The following NRXN1 variants were observed in gnomAD, a reference collection of about 807,000 sequenced individuals.
NRXN1 encodes neurexin-1.
Under a neutral mutation model 150.9 loss-of-function variants are expected in NRXN1, and 39 were observed. That is an observed-to-expected ratio of 0.26 (90% CI 0.20 to 0.34). The LOEUF is 0.34. Ranked by LOEUF, NRXN1 falls within the 10% of genes least tolerant of loss-of-function variation. The probability of loss-of-function intolerance (pLI) is 1.00; values close to 1 mark genes in which losing one functional copy is unlikely to be tolerated. For missense variants in NRXN1, 1,815 were observed against 1,949.9 expected, an observed-to-expected ratio of 0.93 and a Z score of 1.30; for synonymous variants, 924 against 757.0, an observed-to-expected ratio of 1.22 and a Z score of -3.62.
chr2:50,927,881 A>G (rs1380659750), intron 2 of NRXN1, among the ~76,000 whole-genome samples: 8 of 151,980 alleles, frequency 5.3e-5, no homozygotes, highest in Non-Finnish European at 1.0e-4. Flanking sequence ...CTACAATTAA[A>G]AAAAAAGGAA....
chr2:50,610,649 A>ATATATATATATC (rs1391964546), intron 8 of NRXN1, among the ~76,000 whole-genome samples: 1 of 100,560 alleles, frequency 9.9e-6, no homozygotes. Flanking sequence ...ATACATATAT[A>ATATATATATATC]TATATATATA....
chr2:50,137,957 C>A (rs1289653545), intron 18 of NRXN1, among the ~76,000 whole-genome samples: 1 of 152,074 alleles, frequency 6.6e-6, no homozygotes, highest in East Asian at 1.9e-4. Context: ...TTTTACTTTG[C>A]CAGTTACTTT....
At chr2:50,384,898 A>C (rs1017961116) in intron 17 of NRXN1, among the ~76,000 whole-genome samples, 1 of 152,118 alleles carries the variant, frequency 6.6e-6, no homozygotes, top group Non-Finnish European at 1.5e-5. Flanking sequence ...AACTCTTGGC[A>C]ACTTCTACAT....
chr2:50,404,723 A>G (rs1287726701), intron 17 of NRXN1, among the ~76,000 whole-genome samples: 1 of 152,124 alleles, frequency 6.6e-6, no homozygotes, highest in Non-Finnish European at 1.5e-5. Context: ...TTGAAAAGTC[A>G]TATGTTTCCA....
At chr2:50,588,194 T>C (rs945964934) in intron 8 of NRXN1, among the ~76,000 whole-genome samples, 1 of 152,188 alleles carries the variant, frequency 6.6e-6, no homozygotes, top group African/African-American at 2.4e-5. Flanking sequence ...TCAATAAATA[T>C]ATGTTTTTAA....
chr2:50,283,292 T>A (rs2071703054), intron 17 of NRXN1, among the ~76,000 whole-genome samples: 1 of 152,146 alleles, frequency 6.6e-6, no homozygotes, highest in Non-Finnish European at 1.5e-5. Context: ...AAAAAGACAA[T>A]AATCTTTCTT....
chr2:50,609,866 C>T (rs1392067033), intron 8 of NRXN1, among the ~76,000 whole-genome samples: 3 of 152,070 alleles, frequency 2.0e-5, no homozygotes, highest in African/African-American at 7.2e-5. Flanking sequence ...AGTCCATTGT[C>T]ATGTACTATA....
rs774889610 is a variant in NRXN1 at position 51,027,802 on chromosome 2, G to GC, written c.471dup (p.Leu158AlafsTer29). 3.1e-6 allele frequency: 5 copies of GC among 1,613,022 alleles called. No individual in the cohort carries two copies. ...GCCGCGGCGCGCAGTTCCGGGGGCAGCCCCCCGACGAAAAGGCCGCTGAAC... is the reference window on the plus strand; with the variant it reads ...GCCGCGGCGCGCAGTTCCGGGGGCAGCCCCCCCGACGAAAAGGCCGCTGAAC... On this transcript the variant is annotated frameshift_variant, in exon 2 of 23. Coordinates refer to ENST00000401669, the MANE Select transcript of NRXN1 (RefSeq NM_001330078.2). LOFTEE classifies it high-confidence loss of function.
At chr2:50,870,214 T>C (rs1677570470) in intron 5 of NRXN1, among the ~76,000 whole-genome samples, 1 of 151,938 alleles carries the variant, frequency 6.6e-6, no homozygotes, top group African/African-American at 2.4e-5. Flanking sequence ...TTTCCTAGTA[T>C]AATTATTATT....
In NRXN1 at chr2:50,623,323, A is replaced by G; in HGVS notation, c.1125T>C (p.Asn375=). 1 of 1,612,254 alleles carries G rather than the reference A, an allele frequency of 6.2e-7. No homozygotes were observed. Among genetic ancestry groups the G allele is most frequent in the Non-Finnish European group, 8.5e-7 (1 of 1,178,652 alleles). The change falls in exon 6 of 23, where the codon AAT becomes AAC. Residue 375 remains asparagine (N), a synonymous_variant. Transcript: ENST00000401669. ...TCCACTGCGCTGTTACCTGACGCAG[A>G]TTCCTGGTGACTTTCACATCATGCC... ...NAWHDVKVTR[N]LRQHSGIGHA... is the part of the protein sequence containing the mutation.
intron 5 of NRXN1, among the ~76,000 whole-genome samples, chr2:50,655,985 T>C (rs950331918): frequency 4.6e-5 from 7 of 151,984 alleles, no homozygotes; most frequent in African/African-American, 1.4e-4. Flanking sequence ...TGGGAAAGCA[T>C]CGACCTCTAG....
At chr2:50,096,314 A>T (rs1431877517) in intron 18 of NRXN1, among the ~76,000 whole-genome samples, 1 of 152,126 alleles carries the variant, frequency 6.6e-6, no homozygotes, top group African/African-American at 2.4e-5. Context: ...TAAGACCGGT[A>T]TTTACTATTT....
intron 8 of NRXN1, among the ~76,000 whole-genome samples, chr2:50,557,885 G>T (rs1424625875): frequency 6.6e-6 from 1 of 152,214 alleles, no homozygotes; most frequent in African/African-American, 2.4e-5. Context: ...GTATTCAGCA[G>T]ACTGGGGCTT....
chr2:50,955,699 G>C lies in NRXN1; in HGVS notation c.773-29744C>G, dbSNP rs1442246502. ...GTTGAGATTGAAAGCAATTCTCTTG[G>C]ATGGATACAGTGAAGCTGCCTTTCT... On this transcript the variant is annotated intron_variant, in intron 2 of 22. Coordinates refer to ENST00000401669, the MANE Select transcript of NRXN1 (RefSeq NM_001330078.2). Among the ~76,000 whole-genome samples, 6 of 152,198 alleles carry C rather than the reference G, an allele frequency of 3.9e-5. No homozygotes were observed. The East Asian group carries it at 9.6e-4, about 24-fold the overall frequency.
intron 12 of NRXN1, among the ~76,000 whole-genome samples, chr2:50,508,522 C>G (rs2092332135): frequency 6.6e-6 from 1 of 151,408 alleles, no homozygotes; most frequent in Admixed American, 6.6e-5. Flanking sequence ...CATTTTGATC[C>G]TTGAAAAGAG....
intron 18 of NRXN1, among the ~76,000 whole-genome samples, chr2:50,176,013 C>A (rs1432508612): frequency 6.6e-6 from 1 of 152,070 alleles, no homozygotes; most frequent in Non-Finnish European, 1.5e-5. Flanking sequence ...TCCCTAGCCC[C>A]CTAAGCACTG....
At chr2:50,692,223 A>G (rs1692184611) in intron 5 of NRXN1, among the ~76,000 whole-genome samples, 1 of 152,156 alleles carries the variant, frequency 6.6e-6, no homozygotes, top group African/African-American at 2.4e-5. Flanking sequence ...AGCAGGCTCT[A>G]TTTCATAAAT....
intron 18 of NRXN1, among the ~76,000 whole-genome samples, chr2:50,220,612 T>G (rs1036649599): frequency 2.6e-5 from 4 of 152,002 alleles, no homozygotes; most frequent in Admixed American, 2.0e-4. Context: ...ACTTTACAAT[T>G]TTCAATATCT....
chr2:50,790,554 G>C (rs900956554), intron 5 of NRXN1, among the ~76,000 whole-genome samples: 5 of 152,210 alleles, frequency 3.3e-5, no homozygotes, highest in South Asian at 2.1e-4. Flanking sequence ...CTGGGAGAGA[G>C]AGGTTGCAGA....
Sources: gnomAD v4.1 joint callset for allele counts (sites outside exome capture counted in the v4.1 genomes callset) on GRCh38, gnomAD v4.1.1 for gene constraint, MANE v1.5 for transcripts, NCBI Gene and HGNC (gene_info 2026-07-23, HGNC 2026-07-21) for gene names.